The following CNTN4 variants were observed in gnomAD, a reference collection of about 807,000 sequenced individuals.
CNTN4 encodes contactin-4.
A neutral mutation model predicts 122.5 loss-of-function variants in CNTN4; 77 were observed. The ratio of observed to expected loss-of-function variants is 0.63; its 90% CI spans 0.52 to 0.76. CNTN4 has a LOEUF of 0.76. CNTN4 is among the 30% of genes least tolerant of loss of function. The pLI, the probability that CNTN4 is intolerant of heterozygous loss-of-function variation, is 0.00. For synonymous variants in CNTN4, 512 were observed against 447.0 expected (o/e 1.15, Z -1.83); for missense variants, 1,256 against 1,259.1 (o/e 1.00, Z 0.04).
chr3:2,868,502 T>C (rs987651139), intron 8 of CNTN4, among the ~76,000 whole-genome samples: 1 of 152,218 alleles, frequency 6.6e-6, no homozygotes. Context: ...CAGTGAACTT[T>C]GTGCCCAAGT....
chr3:2,466,749 A>C (rs927713465), intron 3 of CNTN4, among the ~76,000 whole-genome samples: 1 of 152,182 alleles, frequency 6.6e-6, no homozygotes, highest in Admixed American at 6.5e-5. Context: ...AAATTATTTA[A>C]TACAAAACCC....
At chr3:2,160,414 G>A (rs2035908933) in intron 2 of CNTN4, among the ~76,000 whole-genome samples, 1 of 152,084 alleles carries the variant, frequency 6.6e-6, no homozygotes, top group East Asian at 1.9e-4. Context: ...GTCCTGGATG[G>A]CCTTATATTA....
intron 3 of CNTN4, among the ~76,000 whole-genome samples, chr3:2,522,118 G>A (rs2077239417): frequency 6.6e-6 from 1 of 150,490 alleles, no homozygotes; most frequent in East Asian, 1.9e-4. Flanking sequence ...GACATCATTA[G>A]ATTTTATGGC....
intron 4 of CNTN4, among the ~76,000 whole-genome samples, chr3:2,669,570 G>A (rs1341930729): frequency 1.3e-5 from 2 of 151,912 alleles, no homozygotes; most frequent in South Asian, 2.1e-4. Flanking sequence ...TTTTTTGAAC[G>A]GTTTTTTGTG....
intron 4 of CNTN4, among the ~76,000 whole-genome samples, chr3:2,599,511 G>T (rs1207369475): frequency 2.6e-5 from 4 of 152,112 alleles, no homozygotes; most frequent in African/African-American, 9.7e-5. Context: ...CTATAAAGGT[G>T]ATGGTGAGTA....
intron 3 of CNTN4, among the ~76,000 whole-genome samples, chr3:2,411,342 A>C (rs2047219873): frequency 6.6e-6 from 1 of 152,210 alleles, no homozygotes; most frequent in South Asian, 2.1e-4. Context: ...AAATTAAGCT[A>C]AAAAGAAGAA....
At chr3:2,598,222 A>G (rs2080863985) in intron 4 of CNTN4, among the ~76,000 whole-genome samples, 1 of 152,184 alleles carries the variant, frequency 6.6e-6, no homozygotes, top group Non-Finnish European at 1.5e-5. Flanking sequence ...GGTACCGAAC[A>G]ACCTCGTTAG....
At chr3:2,141,549 A>G (rs1401676915) in intron 2 of CNTN4, among the ~76,000 whole-genome samples, 1 of 152,178 alleles carries the variant, frequency 6.6e-6, no homozygotes, top group Non-Finnish European at 1.5e-5. Flanking sequence ...GTAAGATAGT[A>G]AATGTATATT....
intron 13 of CNTN4, among the ~76,000 whole-genome samples, chr3:2,979,320 T>C (rs1017815554): frequency 2.0e-5 from 3 of 152,056 alleles, no homozygotes; most frequent in Non-Finnish European, 1.5e-5. Flanking sequence ...AAAGGCTATA[T>C]TTGCATTTCT....
chr3:2,620,540 C>A (rs958278883), intron 4 of CNTN4, among the ~76,000 whole-genome samples: 1 of 151,972 alleles, frequency 6.6e-6, no homozygotes, highest in Non-Finnish European at 1.5e-5. Flanking sequence ...CCATAGAAAT[C>A]TAGGTTATAG....
chr3:2,980,057 T>C (rs1693813554), intron 13 of CNTN4, among the ~76,000 whole-genome samples: 1 of 152,152 alleles, frequency 6.6e-6, no homozygotes, highest in African/African-American at 2.4e-5. Context: ...TGGTTTTGAT[T>C]TATAGGACTG....
At chr3:2,445,021 C>CAGA (rs2048571264) in intron 3 of CNTN4, among the ~76,000 whole-genome samples, 10 of 145,140 alleles carry the variant, frequency 6.9e-5, no homozygotes, top group African/African-American at 2.8e-4. Flanking sequence ...AAATCTATCT[C>CAGA]TCTATCTATC....
chr3:3,001,461 A>G (rs1231508164), intron 14 of CNTN4, among the ~76,000 whole-genome samples: 1 of 152,236 alleles, frequency 6.6e-6, no homozygotes, highest in East Asian at 1.9e-4. Context: ...GCTATAGACC[A>G]AGGGTTACAA....
At chr3:2,485,413 C>G (rs1399356181) in intron 3 of CNTN4, among the ~76,000 whole-genome samples, 3 of 152,246 alleles carry the variant, frequency 2.0e-5, no homozygotes, top group Admixed American at 2.0e-4. Flanking sequence ...TTATGTCTAG[C>G]TAAGGGATTG....
intron 2 of CNTN4, among the ~76,000 whole-genome samples, chr3:2,187,884 C>T (rs1362016677): frequency 1.3e-5 from 2 of 151,940 alleles, no homozygotes; most frequent in Non-Finnish European, 2.9e-5. Flanking sequence ...GGTAAAAAGG[C>T]CAGGATTGAG....
chr3:2,607,217 T>C (rs1315603894), intron 4 of CNTN4, among the ~76,000 whole-genome samples: 2 of 152,236 alleles, frequency 1.3e-5, no homozygotes, highest in African/African-American at 2.4e-5. Context: ...TGTAGTCATA[T>C]TGCAGAGCAA....
In CNTN4 at chr3:2,557,466, G is replaced by A. The variant is rs143656244; in HGVS notation, c.-88-13950G>A. Among the ~76,000 whole-genome samples, 79 of 152,190 alleles carry A rather than the reference G, an allele frequency of 5.2e-4. 1 individual carries two copies. In the East Asian group the frequency reaches 0.015, roughly 28 times the overall value. On this transcript the variant is annotated intron_variant, in intron 3 of 24. Transcript: ENST00000418658. ...TGGTAGGCCAGGCATGGTGGCTCAC[G>A]CCTGTAATCCCAGCACTTTGGGAGG...
chr3:2,624,433 G>C (rs1345763310), intron 4 of CNTN4, among the ~76,000 whole-genome samples: 1 of 151,918 alleles, frequency 6.6e-6, no homozygotes, highest in African/African-American at 2.4e-5. Context: ...CATCTACCAT[G>C]AATAAAAATT....
At chr3:2,241,188 A>G (rs565832696) in intron 2 of CNTN4, among the ~76,000 whole-genome samples, 1 of 152,296 alleles carries the variant, frequency 6.6e-6, no homozygotes, top group African/African-American at 2.4e-5. Context: ...GAATATGTAA[A>G]TAGAGCACTT....
Sources: allele counts gnomAD v4.1 joint callset (sites outside exome capture counted in the v4.1 genomes callset), GRCh38; gene constraint gnomAD v4.1.1; transcripts MANE v1.5; gene names NCBI Gene and HGNC (gene_info 2026-07-23, HGNC 2026-07-21).